KHDRBS2: variants seen among roughly 807,000 people sequenced by gnomAD.
The protein encoded by KHDRBS2 is KH RNA binding domain containing, signal transduction associated 2, also known as KH domain-containing, RNA-binding, signal transduction-associated protein 2.
KHDRBS2 carries 26 observed loss-of-function variants against 44.3 expected under a neutral mutation model. The ratio of observed to expected loss-of-function variants is 0.59; its 90% CI spans 0.43 to 0.81. The LOEUF (loss-of-function observed/expected upper bound fraction) is 0.81. Ranked by LOEUF, KHDRBS2 falls within the 40% of genes least tolerant of loss-of-function variation. The pLI is 0.00. For missense variants in KHDRBS2, 476 were observed against 433.1 expected, an observed-to-expected ratio of 1.10 and a Z score of -0.88; for synonymous variants, 194 against 151.1, an observed-to-expected ratio of 1.28 and a Z score of -2.08.
intron 1 of KHDRBS2, among the ~76,000 whole-genome samples, chr6:62,268,719 C>A (rs768092277): frequency 6.6e-6 from 1 of 151,636 alleles, no homozygotes; most frequent in Non-Finnish European, 1.5e-5. Context: ...CACACCAGAG[C>A]CTACTTTGCT....
At chr6:61,703,356 G>T (rs1043133431) in intron 7 of KHDRBS2, among the ~76,000 whole-genome samples, 1 of 151,588 alleles carries the variant, frequency 6.6e-6, no homozygotes, top group South Asian at 2.1e-4. Flanking sequence ...ATGGTGAAAT[G>T]GTTACTATAA....
intron 4 of KHDRBS2, among the ~76,000 whole-genome samples, chr6:61,967,449 TGATATA>T (rs899428327): frequency 5.3e-5 from 8 of 151,982 alleles, no homozygotes; most frequent in Non-Finnish European, 7.4e-5. Flanking sequence ...ATTGATAGAT[TGATATA>T]GATATAGATA....
chr6:62,016,297 G>T (rs1228836850), intron 3 of KHDRBS2, among the ~76,000 whole-genome samples: 1 of 151,920 alleles, frequency 6.6e-6, no homozygotes, highest in Non-Finnish European at 1.5e-5. Flanking sequence ...AGACTGAATT[G>T]CTTGTATCCT....
At chr6:61,781,748 C>T (rs950511767) in intron 6 of KHDRBS2, among the ~76,000 whole-genome samples, 9 of 152,122 alleles carry the variant, frequency 5.9e-5, no homozygotes, top group African/African-American at 2.2e-4. Flanking sequence ...ATCATCCACT[C>T]CTTCCCTCCC....
intron 2 of KHDRBS2, among the ~76,000 whole-genome samples, chr6:62,058,104 CAT>C (rs375715181): frequency 7.5e-4 from 114 of 151,918 alleles, no homozygotes; most frequent in African/African-American, 2.5e-3. Context: ...TTTCTGGTCA[CAT>C]GTTTATAAAC....
chr6:61,623,819 T>C, the KHDRBS2 span, among the ~76,000 whole-genome samples: 2 of 152,144 alleles, frequency 1.3e-5, no homozygotes, highest in Non-Finnish European at 2.9e-5. Context: ...ATAGGTCAGT[T>C]TGATATGTGG....
At chr6:61,616,003 C>T in the KHDRBS2 span, among the ~76,000 whole-genome samples, 5 of 152,080 alleles carry the variant, frequency 3.3e-5, no homozygotes, top group Admixed American at 3.3e-4. Context: ...ATAAATGATA[C>T]CAGTCATTTT....
intron 4 of KHDRBS2, among the ~76,000 whole-genome samples, chr6:61,903,959 T>C (rs538364295): frequency 5.1e-4 from 78 of 152,194 alleles, no homozygotes; most frequent in Admixed American, 4.6e-4. Context: ...AAAAATCACC[T>C]GGCCAACCCC....
At chr6:62,067,017 C>T (rs1465143194) in intron 2 of KHDRBS2, among the ~76,000 whole-genome samples, 1 of 151,428 alleles carries the variant, frequency 6.6e-6, no homozygotes, top group Non-Finnish European at 1.5e-5. Flanking sequence ...AATTTTGTAA[C>T]TTAAGTTTTA....
the KHDRBS2 span, among the ~76,000 whole-genome samples, chr6:61,556,548 A>T: frequency 6.6e-6 from 1 of 152,146 alleles, no homozygotes; most frequent in Non-Finnish European, 1.5e-5. Context: ...CAAATACCCA[A>T]GTCTCAAAAA....
the KHDRBS2 span, among the ~76,000 whole-genome samples, chr6:61,598,686 T>C: frequency 8.5e-5 from 13 of 152,176 alleles, no homozygotes; most frequent in African/African-American, 3.1e-4. Context: ...CAACGGAATC[T>C]ACTTAAGAAT....
At chr6:61,967,589 C>A (rs1313446047) in intron 4 of KHDRBS2, among the ~76,000 whole-genome samples, 1 of 151,752 alleles carries the variant, frequency 6.6e-6, no homozygotes, top group Non-Finnish European at 1.5e-5. Flanking sequence ...GAGTCCCAAA[C>A]CAGGAGTGAG....
intron 4 of KHDRBS2, among the ~76,000 whole-genome samples, chr6:61,966,972 A>G (rs1770102742): frequency 6.6e-6 from 1 of 151,960 alleles, no homozygotes; most frequent in South Asian, 2.1e-4. Context: ...TAAAATTCCT[A>G]ATTATGTTTA....
the KHDRBS2 span, among the ~76,000 whole-genome samples, chr6:61,578,974 A>G: frequency 1.3e-5 from 2 of 152,132 alleles, no homozygotes; most frequent in African/African-American, 2.4e-5. Flanking sequence ...TTTTATCCCT[A>G]TTCAAACAAA....
chr6:61,667,460 T>C, the KHDRBS2 span, among the ~76,000 whole-genome samples: 1 of 151,302 alleles, frequency 6.6e-6, no homozygotes, highest in Non-Finnish European at 1.5e-5. Context: ...TGGAAGCATA[T>C]TGATATTTAT....
intron 2 of KHDRBS2, among the ~76,000 whole-genome samples, chr6:62,174,292 A>G (rs1213902763): frequency 6.6e-6 from 1 of 151,696 alleles, no homozygotes; most frequent in African/African-American, 2.4e-5. Flanking sequence ...CATATCAATA[A>G]TGCAATCCCA....
intron 2 of KHDRBS2, among the ~76,000 whole-genome samples, chr6:62,110,127 A>G (rs1804661142): frequency 6.6e-6 from 1 of 152,088 alleles, no homozygotes; most frequent in African/African-American, 2.4e-5. Flanking sequence ...TATCTCATAA[A>G]ATGATACTGC....
rs141955190 is a variant in KHDRBS2, at chr6:62,173,248, C to T, written c.219+3937G>A. On this transcript the variant is annotated intron_variant, in intron 2 of 8. Coordinates refer to ENST00000281156, the MANE Select transcript of KHDRBS2 (RefSeq NM_152688.4). ...AAACATAAACAAATAACAAAGGGGA[C>T]GTTACCACTTTAGGGATCCCACAGA... is the stretch of plus-strand genomic sequence containing the variant. Among the ~76,000 whole-genome samples, 383 of 150,694 alleles carry T rather than the reference C, an allele frequency of 2.5e-3. 3 individuals are homozygous for T. Among genetic ancestry groups the T allele is most frequent in the African/African-American group, 8.5e-3 (351 of 41,160 alleles).
At chr6:61,815,544 T>G (rs1037328931) in intron 6 of KHDRBS2, among the ~76,000 whole-genome samples, 1 of 152,134 alleles carries the variant, frequency 6.6e-6, no homozygotes, top group East Asian at 1.9e-4. Context: ...CTGGTGACTT[T>G]GCATTTACAA....
Sources: allele counts gnomAD v4.1 joint callset (sites outside exome capture counted in the v4.1 genomes callset), GRCh38; gene constraint gnomAD v4.1.1; transcripts MANE v1.5; gene names NCBI Gene and HGNC (gene_info 2026-07-23, HGNC 2026-07-21).